The following LRP1 variants were observed in gnomAD, a reference collection of about 807,000 sequenced individuals.
LRP1 encodes the protein LDL receptor related protein 1, also known as prolow-density lipoprotein receptor-related protein 1.
A neutral mutation model predicts 541.5 loss-of-function variants in LRP1; 51 were observed. That is an observed-to-expected ratio of 0.09 (90% CI 0.08 to 0.12). LRP1 has a LOEUF of 0.12. Ranked by LOEUF, LRP1 falls within the 10% of genes least tolerant of loss-of-function variation. The pLI is 1.00. For synonymous variants in LRP1, 2,219 were observed against 2,470.8 expected (o/e 0.90, Z 3.02); for missense variants, 3,878 against 6,376.2 (o/e 0.61, Z 13.34).
At position 57,184,560 on chromosome 12, in the gene LRP1, A is replaced by G. The variant is rs1469293232; in HGVS notation, c.6186+108A>G. The G allele has an allele frequency of 6.8e-7, 1 of 1,461,276 alleles. No homozygotes were observed. Among genetic ancestry groups the G allele is most frequent in the Non-Finnish European group, 9.2e-7 (1 of 1,082,520 alleles). The allele number at this position is 1,461,276 out of a possible 1,614,324, so 90.5% of individuals were successfully genotyped here. On this transcript the variant is annotated intron_variant, in intron 38 of 88. Coordinates refer to ENST00000243077, the MANE Select transcript of LRP1 (RefSeq NM_002332.3). The surrounding 1 kb of genome is among the most constrained non-coding windows in gnomAD (Gnocchi z 7.8). ...GGACTTGGAGCCCAGGGGAAGTCAC[A>G]GGGTCTCCCAGCCCAGCCCTCCACC...
rs771597475 is a variant in LRP1 at position 57,212,709 on chromosome 12, C to T, written c.*154C>T. ...ACATTTTATATGTGAGCGAGCAAGC[C>T]GGCAAGCGAGCACAGTATTATTTCT... is the stretch of plus-strand genomic sequence containing the variant. On this transcript the variant is annotated 3_prime_UTR_variant, in exon 89 of 89. Coordinates refer to ENST00000243077, the MANE Select transcript of LRP1 (RefSeq NM_002332.3). This position sits in a 1 kb window ranked among gnomAD's most constrained non-coding sequence, Gnocchi z 5.0. The T allele has an allele frequency of 6.1e-6, 5 of 822,616 alleles. No homozygotes were observed. Among genetic ancestry groups the T allele is most frequent in the Non-Finnish European group, 7.3e-6 (4 of 544,788 alleles). The allele number at this position is 822,616 out of a possible 1,614,324, so 51.0% of individuals were successfully genotyped here.
At chr12:57,138,817 A>G (rs1361610981) in intron 2 of LRP1, among the ~76,000 whole-genome samples, 1 of 152,158 alleles carries the variant, frequency 6.6e-6, no homozygotes, top group Non-Finnish European at 1.5e-5. Flanking sequence ...GCACCCCAAG[A>G]CAGTGTTCTC....
At position 57,173,670 on chromosome 12, in the gene LRP1, C is replaced by A; in HGVS notation, c.3347-110C>A. 1 of 1,181,618 alleles carries A rather than the reference C, an allele frequency of 8.5e-7. No homozygotes were observed. The highest frequency in any genetic ancestry group is 1.2e-6 in the Non-Finnish European group (1 of 803,394). 73.2% of individuals were successfully genotyped at this position (1,181,618 alleles called of 1,614,324 possible). Reference sequence around the variant, plus strand: ...AAGCCTCGGGGTTCCTCGTGGACCCCACAGCGTTGCAATCCTGACCCTATT... The same window carrying A: ...AAGCCTCGGGGTTCCTCGTGGACCCAACAGCGTTGCAATCCTGACCCTATT... On this transcript the variant is annotated intron_variant, in intron 21 of 88. Transcript: ENST00000243077. The surrounding 1 kb of genome is among the most constrained non-coding windows in gnomAD (Gnocchi z 4.7).
In LRP1 at chr12:57,209,065, T is replaced by C. The variant is rs956760875; in HGVS notation, c.12146-18T>C. 1 of 1,594,928 alleles carries C rather than the reference T, an allele frequency of 6.3e-7. No homozygotes were observed. Among genetic ancestry groups the C allele is most frequent in the Non-Finnish European group, 8.6e-7 (1 of 1,163,546 alleles). On this transcript the variant is annotated intron_variant, in intron 78 of 88. Coordinates refer to ENST00000243077, the MANE Select transcript of LRP1 (RefSeq NM_002332.3). Reference sequence around the variant, plus strand: ...GGTTGGGGAGGCCAAGCTCTCACAGTGCTCTCTCTCTCCCCAGGCCTGGCC... The same window carrying C: ...GGTTGGGGAGGCCAAGCTCTCACAGCGCTCTCTCTCTCCCCAGGCCTGGCC...
rs1257802843 is a variant in LRP1, at chr12:57,197,237, C to G, written c.9077-62C>G. ...ACTGCCCGGGTGGCAGAGCTCCAGA[C>G]AGGCAGGAGACCAGGGCCGCTAGAA... On this transcript the variant is annotated intron_variant, in intron 56 of 88. Coordinates refer to ENST00000243077, the MANE Select transcript of LRP1 (RefSeq NM_002332.3). The surrounding 1 kb of genome is among the most constrained non-coding windows in gnomAD (Gnocchi z 4.5). 6.2e-7 allele frequency: 1 copy of G among 1,612,440 alleles called. No individual in the cohort carries two copies. Among genetic ancestry groups the G allele is most frequent in the Non-Finnish European group, 8.5e-7 (1 of 1,178,608 alleles).
At position 57,177,503 on chromosome 12, in the gene LRP1, A is replaced by G; in HGVS notation, c.4273A>G (p.Thr1425Ala). 6.2e-7 allele frequency: 1 copy of G among 1,613,634 alleles called. No homozygotes were observed. Among genetic ancestry groups the G allele is most frequent in the Non-Finnish European group, 8.5e-7 (1 of 1,179,908 alleles). The change falls in exon 26 of 89, where the codon ACC (threonine) becomes GCC (alanine). Residue 1425 changes from threonine (T) to alanine (A), a missense_variant. Thr to Ala is a moderately conservative substitution (Grantham distance 58). This residue lies in a region of LRP1 where 16 missense variants were observed against 18.4 expected (regional missense o/e 0.87). Coordinates refer to ENST00000243077, the MANE Select transcript of LRP1 (RefSeq NM_002332.3). The surrounding 1 kb of genome is among the most constrained non-coding windows in gnomAD (Gnocchi z 6.8). ...AASMSGAGRRTVHRETGSGGW... is the reference protein window; with the variant it reads ...AASMSGAGRRAVHRETGSGGW... The stretch of plus-strand genomic sequence containing the variant: ...CTCCATGAGTGGGGCTGGGCGCCGC[A>G]CCGTGCACCGGGAGACCGGCTCTGG...
At position 57,193,966 on chromosome 12, in the gene LRP1, C is replaced by T; in HGVS notation, c.7872C>T (p.Cys2624=). The T allele has an allele frequency of 6.2e-7, 1 of 1,614,240 alleles. No homozygotes were observed. The highest frequency in any genetic ancestry group is 8.5e-7 in the Non-Finnish European group (1 of 1,180,044). The part of the protein sequence containing the change: ...DGTCIGNSSR[C]NQFVDCEDAS... ...CCTGCATCGGGAACTCCAGCCGCTG[C>T]AACCAGTTTGTGGATTGTGAGGACG... The change falls in exon 48 of 89, where the codon TGC becomes TGT. Residue 2624 remains cysteine (C), a synonymous_variant. Coordinates refer to ENST00000243077, the MANE Select transcript of LRP1 (RefSeq NM_002332.3).
chr12:57,203,164 C>T lies in LRP1; in HGVS notation c.10712-17C>T, dbSNP rs75290992. Reference sequence around the variant, plus strand: ...TGTGCCCACCCTCCTGGGCCTGTCTCCCCCTGTCCTTCCCAGCCCCTCGGC... The same window carrying T: ...TGTGCCCACCCTCCTGGGCCTGTCTTCCCCTGTCCTTCCCAGCCCCTCGGC... On this transcript the variant is annotated splice_polypyrimidine_tract_variant and intron_variant, in intron 68 of 88. Transcript: ENST00000243077. 5.2e-6 allele frequency: 8 copies of T among 1,543,284 alleles called. No individual in the cohort carries two copies. Among genetic ancestry groups the T allele is most frequent in the South Asian group, 1.2e-5 (1 of 83,488 alleles).
At chr12:57,142,781 G>C (rs963297845) in intron 3 of LRP1, among the ~76,000 whole-genome samples, 44 of 152,134 alleles carry the variant, frequency 2.9e-4, no homozygotes, top group Admixed American at 9.8e-4. Context: ...GTGGAGAAAG[G>C]CTGGGCAGGC....
chr12:57,209,865 G>C lies in LRP1; in HGVS notation c.12436G>C (p.Glu4146Gln). ...CCTTTACCATCAGCACAAGCAGCCC[G>C]AAGGTGGGGGCAGAGGGGAGCCTGG... ...VVLYHQHKQP[E>Q]VTNPCDRKKC... Residue 4146 changes from glutamate (E) to glutamine (Q), a missense_variant, in exon 80 of 89, where the codon GAA becomes CAA. By Grantham distance (29) the Glu-to-Gln change is conservative. Coordinates refer to ENST00000243077, the MANE Select transcript of LRP1 (RefSeq NM_002332.3). The C allele has an allele frequency of 1.2e-6, 2 of 1,613,590 alleles. No individual in the cohort carries two copies. The highest frequency in any genetic ancestry group is 1.7e-6 in the Non-Finnish European group (2 of 1,179,850).
At position 57,156,099 on chromosome 12, in the gene LRP1, G is replaced by T; in HGVS notation, c.1233G>T (p.Glu411Asp). ...TTCTTGCCTGCCCGTCTCAGATTGA[G>T]CACCTGTACGGCCTGACTGTGTTTG... Reference protein sequence around the residue: ...RQTIIQGILIEHLYGLTVFEN... With the variant: ...RQTIIQGILIDHLYGLTVFEN... Residue 411 changes from glutamate to aspartate, a missense_variant, in exon 9 of 89, where the codon GAG becomes GAT. Transcript: ENST00000243077. This position sits in a 1 kb window ranked among gnomAD's most constrained non-coding sequence, Gnocchi z 5.2. The T allele has an allele frequency of 6.2e-7, 1 of 1,613,782 alleles. No individual in the cohort carries two copies. Among genetic ancestry groups the T allele is most frequent in the Non-Finnish European group, 8.5e-7 (1 of 1,179,796 alleles).
intron 6 of LRP1, among the ~76,000 whole-genome samples, chr12:57,153,495 C>G (rs992393970): frequency 6.6e-6 from 1 of 152,144 alleles, no homozygotes; most frequent in African/African-American, 2.4e-5. Context: ...TTTCATGGCC[C>G]TCCTCCTAGA....
intron 81 of LRP1, 29 bp downstream of exon 81, chr12:57,210,198 A>G: frequency 6.4e-7 from 1 of 1,570,508 alleles, no homozygotes. Flanking sequence ...AGTCCCAGCC[A>G]TGCCTCAGGA....
chr12:57,141,896 G>C (rs2035299859), intron 3 of LRP1, among the ~76,000 whole-genome samples: 1 of 152,232 alleles, frequency 6.6e-6, no homozygotes, highest in African/African-American at 2.4e-5. Context: ...GGGAGGAGCA[G>C]AGGTGCTGTG....
chr12:57,187,695 G>C (rs1175895072), intron 42 of LRP1, among the ~76,000 whole-genome samples: 1 of 152,176 alleles, frequency 6.6e-6, no homozygotes, highest in Non-Finnish European at 1.5e-5. Context: ...CAGGACTGTG[G>C]GGGACGCTCT....
chr12:57,195,839 C>T (rs1565747417), intron 53 of LRP1, 24 bp from the exon 54 acceptor site: 1 of 1,614,020 alleles, frequency 6.2e-7, no homozygotes. Context: ...GGGCATCAGC[C>T]TCACAGGTCC....
intron 22 of LRP1, among the ~76,000 whole-genome samples, chr12:57,174,347 A>G (rs2036002742): frequency 6.6e-6 from 1 of 152,140 alleles, no homozygotes; most frequent in Non-Finnish European, 1.5e-5. Context: ...CCACATGCAT[A>G]CCACAGAGAG....
In LRP1 at chr12:57,177,457, C is replaced by T; in HGVS notation, c.4227C>T (p.Ser1409=). 6.2e-7 allele frequency: 1 copy of T among 1,606,538 alleles called. No homozygotes were observed. Among genetic ancestry groups the T allele is most frequent in the Non-Finnish European group, 8.5e-7 (1 of 1,176,366 alleles). The part of the protein sequence containing the change: ...GILFWTDWDA[S]LPRIEAASMS... ...TGTTTTGGACAGACTGGGATGCCAG[C>T]CTGCCCCGCATTGAGGCAGCCTCCA... is the stretch of plus-strand genomic sequence containing the variant. The change falls in exon 26 of 89, where the codon AGC becomes AGT. Residue 1409 remains serine, a synonymous_variant. Coordinates refer to ENST00000243077, the MANE Select transcript of LRP1 (RefSeq NM_002332.3). This position sits in a 1 kb window ranked among gnomAD's most constrained non-coding sequence, Gnocchi z 6.8.
chr12:57,163,722 G>C (rs537850746), intron 15 of LRP1, among the ~76,000 whole-genome samples: 1 of 152,226 alleles, frequency 6.6e-6, no homozygotes, highest in African/African-American at 2.4e-5. Flanking sequence ...TTTCCTCAGG[G>C]GGGTTATAAT....
Sources: gnomAD v4.1 joint callset for allele counts (sites outside exome capture counted in the v4.1 genomes callset) on GRCh38, gnomAD v4.1.1 for gene constraint, gnomAD v4.1.1 regional missense constraint, Gnocchi (gnomAD v3.1) non-coding constraint, MANE v1.5 for transcripts, NCBI Gene and HGNC (gene_info 2026-07-23, HGNC 2026-07-21) for gene names.